The following SNX13 variants were observed in gnomAD, a reference collection of about 807,000 sequenced individuals.
The protein encoded by SNX13 is sorting nexin 13, also known as sorting nexin-13.
SNX13 carries 45 observed loss-of-function variants against 133.6 expected under a neutral mutation model. The observed-to-expected ratio is 0.34, with a 90% CI of 0.27 to 0.43. The LOEUF is 0.43. Ranked by LOEUF, SNX13 falls within the 20% of genes least tolerant of loss-of-function variation. The probability of loss-of-function intolerance (pLI) is 1.00; values close to 1 mark genes in which losing one functional copy is unlikely to be tolerated. For missense variants in SNX13, 1,032 were observed against 1,145.1 expected, an observed-to-expected ratio of 0.90 and a Z score of 1.43; for synonymous variants, 414 against 373.9, an observed-to-expected ratio of 1.11 and a Z score of -1.24.
At chr7:17,844,699 T>C (rs777493697) in intron 12 of SNX13, among the ~76,000 whole-genome samples, 3 of 150,612 alleles carry the variant, frequency 2.0e-5, no homozygotes, top group Non-Finnish European at 4.4e-5. Context: ...TTATACACCA[T>C]GACTAAGGTG....
At chr7:17,904,783 G>A (rs1037885939) in intron 1 of SNX13, among the ~76,000 whole-genome samples, 1 of 152,114 alleles carries the variant, frequency 6.6e-6, no homozygotes, top group Non-Finnish European at 1.5e-5. Flanking sequence ...TAAGAAGAGT[G>A]GTCTTATAAC....
intron 1 of SNX13, among the ~76,000 whole-genome samples, chr7:17,929,214 G>GT (rs1801119050): frequency 2.0e-5 from 3 of 151,984 alleles, no homozygotes; most frequent in Admixed American, 6.5e-5. Flanking sequence ...GGAAAGCATA[G>GT]AGTGTAACTA....
At position 17,834,745 on chromosome 7, in the gene SNX13, C is replaced by T. The variant is rs1006292497; in HGVS notation, c.1464+16G>A. 6 of 1,474,048 alleles carry T rather than the reference C, an allele frequency of 4.1e-6. No homozygotes were observed. The African/African-American group carries it at 8.4e-5, about 21-fold the overall frequency. 91.3% of individuals were successfully genotyped at this position (1,474,048 alleles called of 1,614,324 possible). ...CTCAAAAAAGATAAAATGATAAATG[C>T]TGTACATAATAATACCTTTCTTTGA... On this transcript the variant is annotated intron_variant, in intron 14 of 25. Transcript: ENST00000428135.
intron 4 of SNX13, 28 bp from the exon 5 acceptor site, chr7:17,890,512 T>TGGAAAAAA: frequency 2.0e-6 from 3 of 1,515,328 alleles, no homozygotes; most frequent in Non-Finnish European, 2.7e-6. Context: ...GAAAAAAAAT[T>TGGAAAAAA]ACAACATTTT....
In SNX13 at chr7:17,859,325, C is replaced by T. The variant is rs7788372; in HGVS notation, c.838-8361G>A. Among the ~76,000 whole-genome samples the T allele has an allele frequency of 7.9e-3, 1,196 of 152,008 alleles. 16 individuals are homozygous for T. Among genetic ancestry groups the T allele is most frequent in the African/African-American group, 0.027 (1,131 of 41,506 alleles). On this transcript the variant is annotated intron_variant, in intron 9 of 25. Coordinates refer to ENST00000428135, the MANE Select transcript of SNX13 (RefSeq NM_015132.5). ...GCCAATAATCACAGGAAAAGACGCT[C>T]GGTATCATTAGTAATAAAGAAACTG...
chr7:17,813,295 A>G (rs982290252), intron 20 of SNX13, among the ~76,000 whole-genome samples: 4 of 152,294 alleles, frequency 2.6e-5, no homozygotes, highest in Middle Eastern at 3.4e-3. Flanking sequence ...TAAACATAAA[A>G]AACATGGAAC....
At chr7:17,863,325 T>C (rs1792968253) in intron 9 of SNX13, among the ~76,000 whole-genome samples, 1 of 152,174 alleles carries the variant, frequency 6.6e-6, no homozygotes. Flanking sequence ...ACTTCGGGTA[T>C]GACCCAGTGT....
At chr7:17,888,977 A>G (rs1051239660) in intron 5 of SNX13, 4 of 216,540 alleles carry the variant, frequency 1.8e-5, no homozygotes, top group African/African-American at 4.7e-5. Context: ...ACATTTTTAT[A>G]TATTTTTCAA....
rs961803518 is a variant in SNX13 at position 17,792,726 on chromosome 7, G to C, written c.*1319C>G. 1 of 152,238 alleles carries C rather than the reference G, an allele frequency of 6.6e-6. No homozygotes were observed. Among genetic ancestry groups the C allele is most frequent in the African/African-American group, 2.4e-5 (1 of 41,370 alleles). 9.4% of individuals were successfully genotyped at this position (152,238 alleles called of 1,614,324 possible). On this transcript the variant is annotated 3_prime_UTR_variant, in exon 26 of 26. Coordinates refer to ENST00000428135, the MANE Select transcript of SNX13 (RefSeq NM_015132.5). ...AAAAGCTGACACACCCAAACCCTTA[G>C]GCAATGAAAGTATTTAAAACTATGC...
chr7:17,895,265 T>C (rs1230402259), intron 2 of SNX13, among the ~76,000 whole-genome samples: 5 of 152,196 alleles, frequency 3.3e-5, no homozygotes, highest in Non-Finnish European at 7.4e-5. Context: ...ATTTAAACTG[T>C]AGTTGGGTGC....
At chr7:17,795,203 T>C (rs1220741388) in intron 25 of SNX13, 1 of 151,682 alleles carries the variant, frequency 6.6e-6, no homozygotes, top group Non-Finnish European at 1.5e-5. Context: ...TAATCATAAA[T>C]AACACCAAGT....
intron 1 of SNX13, among the ~76,000 whole-genome samples, chr7:17,909,210 C>T (rs183426383): frequency 7.2e-5 from 11 of 152,210 alleles, no homozygotes; most frequent in Admixed American, 5.2e-4. Context: ...ACAACAGATG[C>T]TAATGAGGTT....
chr7:17,810,001 C>G (rs1785814126), intron 20 of SNX13, among the ~76,000 whole-genome samples: 1 of 151,988 alleles, frequency 6.6e-6, no homozygotes, highest in Admixed American at 6.5e-5. Context: ...GCAGTAAATG[C>G]CCCCATGAGA....
chr7:17,807,327 G>C (rs1377699174), intron 20 of SNX13, among the ~76,000 whole-genome samples: 1 of 152,080 alleles, frequency 6.6e-6, no homozygotes, highest in Non-Finnish European at 1.5e-5. Flanking sequence ...TGAGGAGGTG[G>C]TTTTCTCCTT....
At chr7:17,915,449 G>A (rs1162702156) in intron 1 of SNX13, among the ~76,000 whole-genome samples, 1 of 152,152 alleles carries the variant, frequency 6.6e-6, no homozygotes, top group Non-Finnish European at 1.5e-5. Flanking sequence ...TATATTGTAA[G>A]CCCGTCAATG....
chr7:17,906,043 C>A (rs1219011849), intron 1 of SNX13, among the ~76,000 whole-genome samples: 1 of 152,148 alleles, frequency 6.6e-6, no homozygotes, highest in African/African-American at 2.4e-5. Flanking sequence ...TCTTACTCAA[C>A]ATATACTAGT....
At chr7:17,856,925 A>G (rs2128333528) in intron 9 of SNX13, among the ~76,000 whole-genome samples, 1 of 152,156 alleles carries the variant, frequency 6.6e-6, no homozygotes, top group African/African-American at 2.4e-5. Flanking sequence ...AATTGAGACT[A>G]AGAAAACAAT....
intron 1 of SNX13, among the ~76,000 whole-genome samples, chr7:17,913,152 A>C (rs1484275435): frequency 6.6e-6 from 1 of 152,216 alleles, no homozygotes; most frequent in Non-Finnish European, 1.5e-5. Context: ...CTGAGGGAGA[A>C]GGGAGAGCAC....
At chr7:17,911,338 T>C (rs1798956465) in intron 1 of SNX13, among the ~76,000 whole-genome samples, 1 of 152,134 alleles carries the variant, frequency 6.6e-6, no homozygotes, top group South Asian at 2.1e-4. Flanking sequence ...GGAAAGTCAT[T>C]AGAAAGCTAA....
Sources: allele counts gnomAD v4.1 joint callset (sites outside exome capture counted in the v4.1 genomes callset), GRCh38; gene constraint gnomAD v4.1.1; transcripts MANE v1.5; gene names NCBI Gene and HGNC (gene_info 2026-07-23, HGNC 2026-07-21).